The following FAM13A variants were observed in gnomAD, a reference collection of about 807,000 sequenced individuals.
The protein encoded by FAM13A is family with sequence similarity 13 member A.
In FAM13A, 76 loss-of-function variants were observed where a neutral mutation model predicts 129.6. The observed-to-expected ratio is 0.59, with a 90% CI of 0.49 to 0.71. FAM13A has a LOEUF of 0.71. FAM13A is among the 30% of genes least tolerant of loss of function. FAM13A has a pLI of 0.00. For missense variants in FAM13A, 1,108 were observed against 1,249.3 expected, an observed-to-expected ratio of 0.89 and a Z score of 1.70; for synonymous variants, 443 against 449.9, an observed-to-expected ratio of 0.98 and a Z score of 0.20.
At chr4:89,027,149 A>G (rs1016727210) in intron 2 of FAM13A, among the ~76,000 whole-genome samples, 1 of 152,222 alleles carries the variant, frequency 6.6e-6, no homozygotes. Flanking sequence ...CTATACATAC[A>G]TATCTATGAC....
chr4:88,863,122 C>G (rs558549623), intron 6 of FAM13A, among the ~76,000 whole-genome samples: 2 of 152,110 alleles, frequency 1.3e-5, no homozygotes, highest in South Asian at 4.2e-4. Flanking sequence ...AGGCTGAAAA[C>G]TGCTAGAGAG....
intron 7 of FAM13A, among the ~76,000 whole-genome samples, chr4:88,813,125 G>T (rs940500045): frequency 2.6e-5 from 4 of 152,238 alleles, no homozygotes; most frequent in South Asian, 2.1e-4. Flanking sequence ...GGTATACAGA[G>T]AACCCAGAAA....
intron 5 of FAM13A, among the ~76,000 whole-genome samples, chr4:88,928,406 A>AT (rs2148763623): frequency 6.6e-6 from 1 of 152,218 alleles, no homozygotes; most frequent in African/African-American, 2.4e-5. Context: ...TTCTGTCTCA[A>AT]TGATCTGTCT....
At chr4:88,740,415 G>A (rs1222270249) in intron 19 of FAM13A, among the ~76,000 whole-genome samples, 2 of 152,130 alleles carry the variant, frequency 1.3e-5, no homozygotes, top group Non-Finnish European at 2.9e-5. Flanking sequence ...CTGACATCAT[G>A]GAAATATTCC....
chr4:88,749,453 GAAGAT>G (rs1318668192), intron 16 of FAM13A, among the ~76,000 whole-genome samples: 1 of 152,156 alleles, frequency 6.6e-6, no homozygotes, highest in Non-Finnish European at 1.5e-5. Flanking sequence ...CAAGATTTCA[GAAGAT>G]AATATTGAAT....
At chr4:88,945,897 G>GTATATA in intron 4 of FAM13A, among the ~76,000 whole-genome samples, 2 of 126,940 alleles carry the variant, frequency 1.6e-5, no homozygotes, top group African/African-American at 3.2e-5. Flanking sequence ...TTCTATGTGT[G>GTATATA]TATATACACA....
intron 14 of FAM13A, among the ~76,000 whole-genome samples, 193 bp from the exon 15 acceptor site, chr4:88,750,830 C>T (rs561486779): frequency 6.6e-6 from 1 of 152,338 alleles, no homozygotes; most frequent in Non-Finnish European, 1.5e-5. Context: ...TGACAGCCAT[C>T]ATCTGTCTAC....
intron 7 of FAM13A, among the ~76,000 whole-genome samples, chr4:88,815,634 T>G (rs980145206): frequency 6.6e-5 from 10 of 152,216 alleles, no homozygotes; most frequent in African/African-American, 2.2e-4. Flanking sequence ...TAAAGTGTAC[T>G]CATGTGTACT....
intron 6 of FAM13A, among the ~76,000 whole-genome samples, chr4:88,896,513 C>A (rs2464528): frequency 0.74 from 112,611 of 152,104 alleles, 41,991 homozygotes; most frequent in Non-Finnish European, 0.79. Context: ...TCAAAACCTT[C>A]CATTATTTTA....
chr4:88,882,982 G>T (rs1437338010), intron 6 of FAM13A, among the ~76,000 whole-genome samples: 1 of 152,070 alleles, frequency 6.6e-6, no homozygotes, highest in Non-Finnish European at 1.5e-5. Context: ...AAATATAAAT[G>T]TATCTACCAC....
chr4:88,954,897 A>G (rs967964067), intron 4 of FAM13A, among the ~76,000 whole-genome samples: 1 of 151,952 alleles, frequency 6.6e-6, no homozygotes, highest in South Asian at 2.1e-4. Context: ...AAAAAAAAAA[A>G]AAAGAAAAAA....
intron 8 of FAM13A, among the ~76,000 whole-genome samples, chr4:88,794,909 A>G (rs17014571): frequency 0.012 from 1,757 of 152,008 alleles, 33 homozygotes; most frequent in African/African-American, 0.04. Flanking sequence ...CAGCATCAAC[A>G]TTATACATAT....
chr4:88,898,260 C>G (rs1746680379), intron 6 of FAM13A, among the ~76,000 whole-genome samples: 3 of 152,078 alleles, frequency 2.0e-5, no homozygotes, highest in Admixed American at 2.0e-4. Context: ...TAAAAATGTT[C>G]CTCAAATCCC....
In FAM13A at chr4:89,016,637, T is replaced by A. The variant is rs777088489; in HGVS notation, c.427+3823A>T. 2.0e-5 allele frequency among the ~76,000 whole-genome samples: 3 copies of A among 152,278 alleles called. No individual in the cohort carries two copies. In the East Asian group the frequency reaches 5.8e-4, roughly 29 times the overall value. ...TACGTACCTTTTCTGTTTTCTTTTT[T>A]ATTGTTATTTCTTTTGAGACAGGGT... On this transcript the variant is annotated intron_variant, in intron 3 of 23. Transcript: ENST00000264344.
At chr4:88,996,412 C>G (rs4693981) in intron 3 of FAM13A, among the ~76,000 whole-genome samples, 15 of 151,976 alleles carry the variant, frequency 9.9e-5, no homozygotes, top group African/African-American at 3.4e-4. Flanking sequence ...CTGATGCTGA[C>G]GGGATGGTTA....
intron 4 of FAM13A, among the ~76,000 whole-genome samples, chr4:88,964,301 C>T (rs988853829): frequency 6.6e-5 from 10 of 152,126 alleles, no homozygotes; most frequent in African/African-American, 2.2e-4. Context: ...GATAGCCTCT[C>T]CCCTAAAGGA....
intron 3 of FAM13A, among the ~76,000 whole-genome samples, chr4:89,013,788 A>G (rs60751124): frequency 0.13 from 19,762 of 152,274 alleles, 1,516 homozygotes; most frequent in Non-Finnish European, 0.17. Context: ...TACAGCAAGT[A>G]TAACGACATT....
intron 5 of FAM13A, among the ~76,000 whole-genome samples, chr4:88,911,211 T>A (rs1246592775): frequency 6.6e-6 from 1 of 152,176 alleles, no homozygotes; most frequent in Non-Finnish European, 1.5e-5. Flanking sequence ...TTAATTTCTT[T>A]CCTCCAGTCT....
At chr4:88,902,664 C>T (rs1334016067) in intron 6 of FAM13A, among the ~76,000 whole-genome samples, 2 of 152,090 alleles carry the variant, frequency 1.3e-5, no homozygotes, top group Non-Finnish European at 2.9e-5. Context: ...ACTGAATGAG[C>T]AAAAGCTGGA....
Sources: allele counts gnomAD v4.1 joint callset (sites outside exome capture counted in the v4.1 genomes callset), GRCh38; gene constraint gnomAD v4.1.1; transcripts MANE v1.5; gene names NCBI Gene and HGNC (gene_info 2026-07-23, HGNC 2026-07-21).